The following KCNQ1 variants were observed in gnomAD, a reference collection of about 807,000 sequenced individuals.
The protein encoded by KCNQ1 is potassium voltage-gated channel subfamily KQT member 1.
Under a neutral mutation model 72.4 loss-of-function variants are expected in KCNQ1, and 49 were observed. The observed-to-expected ratio is 0.68, with a 90% CI of 0.54 to 0.86. The LOEUF (loss-of-function observed/expected upper bound fraction) is 0.86. Ranked by LOEUF, KCNQ1 falls within the 40% of genes least tolerant of loss-of-function variation. The pLI is 0.00. For missense variants in KCNQ1, 790 were observed against 945.1 expected (o/e 0.84, Z 2.15); for synonymous variants, 450 against 412.6 (o/e 1.09, Z -1.10).
In KCNQ1 at chr11:2,570,696, C is replaced by A. The variant is rs2133727239; in HGVS notation, c.546C>A (p.Ser182Arg). The A allele has an allele frequency of 6.2e-7, 1 of 1,612,722 alleles. No homozygotes were observed. The highest frequency in any genetic ancestry group is 2.2e-5 in the East Asian group (1 of 44,882). Residue 182 changes from serine (S) to arginine (R), a missense_variant, in exon 3 of 16, where the codon AGC becomes AGA. By Grantham distance (110) the Ser-to-Arg change is moderately radical (BLOSUM62 -1). Coordinates refer to ENST00000155840, the MANE Select transcript of KCNQ1 (RefSeq NM_000218.3). Reference sequence around the variant, plus strand: ...GCCTCTGGTCCGCCGGCTGCCGCAGCAAGTACGTGGGCCTCTGGGGGCGGC... The same window carrying A: ...GCCTCTGGTCCGCCGGCTGCCGCAGAAAGTACGTGGGCCTCTGGGGGCGGC... ...VVRLWSAGCR[S>R]KYVGLWGRLR...
chr11:2,518,821 G>A (rs771649579), intron 1 of KCNQ1, among the ~76,000 whole-genome samples: 1 of 152,206 alleles, frequency 6.6e-6, no homozygotes, highest in Non-Finnish European at 1.5e-5. Flanking sequence ...CGCGGAACAA[G>A]CCACAGGTAA....
At chr11:2,700,121 C>T (rs1430541071) in intron 11 of KCNQ1, 2 of 397,228 alleles carry the variant, frequency 5.0e-6, no homozygotes, top group Non-Finnish European at 8.9e-6. Context: ...TGGCTGGGTG[C>T]GGAAAGTGAT....
chr11:2,569,186 C>G (rs1002960625), intron 2 of KCNQ1, among the ~76,000 whole-genome samples: 6 of 152,192 alleles, frequency 3.9e-5, no homozygotes, highest in African/African-American at 1.4e-4. Flanking sequence ...ACCTGGCCCA[C>G]ACCCTTTCTT....
intron 10 of KCNQ1, chr11:2,635,616 G>C (rs1849451737): frequency 6.6e-6 from 1 of 152,198 alleles, no homozygotes; most frequent in Non-Finnish European, 1.5e-5. Context: ...CAGGTAGCGT[G>C]ATGCCTCCAG....
intron 11 of KCNQ1, chr11:2,686,371 C>T (rs955008422): frequency 1.3e-5 from 5 of 398,586 alleles, no homozygotes; most frequent in Admixed American, 8.8e-5. Flanking sequence ...TTGGGCTTAT[C>T]AGCAGAGCCA....
Position 2,826,442 on chromosome 11 carries a change from G to A in KCNQ1, c.1795-21325G>A, listed in dbSNP as rs1021598975. ...CTTGGCAGCGCTGATGGAAACCGCC[G>A]TGCGGTTCCGCGCAGACAGTCACGG... On this transcript the variant is annotated intron_variant, in intron 15 of 15. Coordinates refer to ENST00000155840, the MANE Select transcript of KCNQ1 (RefSeq NM_000218.3). This position sits in a 1 kb window ranked among gnomAD's most constrained non-coding sequence, Gnocchi z 4.2. 2.6e-5 allele frequency among the ~76,000 whole-genome samples: 4 copies of A among 152,250 alleles called. No homozygotes were observed. Among genetic ancestry groups the A allele is most frequent in the South Asian group, 4.1e-4 (2 of 4,832 alleles).
At position 2,573,128 on chromosome 11, in the gene KCNQ1, C is replaced by T. The variant is rs1848367287; in HGVS notation, c.921+142C>T. 5.7e-6 allele frequency: 6 copies of T among 1,058,194 alleles called. No individual in the cohort carries two copies. The South Asian group carries it at 6.5e-5, about 12-fold the overall frequency. The allele number at this position is 1,058,194 out of a possible 1,614,324, so 65.6% of individuals were successfully genotyped here. On this transcript the variant is annotated intron_variant, in intron 6 of 15. Coordinates refer to ENST00000155840, the MANE Select transcript of KCNQ1 (RefSeq NM_000218.3). ...CGCTCACAGGCCTCTGTCCACAAAC[C>T]TGTGCTTGGAGCCGCTGGCACAGGT...
rs1296802542 is a variant in KCNQ1, at chr11:2,566,741, G to A, written c.478-3887G>A. On this transcript the variant is annotated intron_variant, in intron 2 of 15. Coordinates refer to ENST00000155840, the MANE Select transcript of KCNQ1 (RefSeq NM_000218.3). This position sits in a 1 kb window ranked among gnomAD's most constrained non-coding sequence, Gnocchi z 6.7. ...GGGCCGCACTCCATCAGCATCCCGG[G>A]CCATTGCATCCTTGACCCCGGGGGG... Among the ~76,000 whole-genome samples the A allele has an allele frequency of 6.6e-6, 1 of 152,150 alleles. No homozygotes were observed. Among genetic ancestry groups the A allele is most frequent in the African/African-American group, 2.4e-5 (1 of 41,426 alleles).
chr11:2,659,698 T>G lies in KCNQ1; in HGVS notation c.1394-2263T>G, dbSNP rs1849915620. The stretch of plus-strand genomic sequence containing the variant: ...ACTATTTCCTAAAGTCACTGTGCCA[T>G]TTTGCATTCCCACCAGTAACATATG... On this transcript the variant is annotated intron_variant, in intron 10 of 15. Coordinates refer to ENST00000155840, the MANE Select transcript of KCNQ1 (RefSeq NM_000218.3). The surrounding 1 kb of genome is among the most constrained non-coding windows in gnomAD (Gnocchi z 4.3). The G allele has an allele frequency of 2.5e-6, 1 of 398,408 alleles. No individual in the cohort carries two copies. The highest frequency in any genetic ancestry group is 2.1e-5 in the African/African-American group (1 of 48,630). The allele number at this position is 398,408 out of a possible 1,614,324, so 24.7% of individuals were successfully genotyped here.
At chr11:2,760,564 C>T (rs567587904) in intron 11 of KCNQ1, among the ~76,000 whole-genome samples, 41 of 152,276 alleles carry the variant, frequency 2.7e-4, no homozygotes, top group African/African-American at 9.4e-4. Flanking sequence ...GGAGAGGGTC[C>T]ATCCGCCCTT....
chr11:2,748,543 G>T lies in KCNQ1; in HGVS notation c.1515-20301G>T, dbSNP rs897914822. 5.9e-5 allele frequency among the ~76,000 whole-genome samples: 9 copies of T among 152,216 alleles called. No individual in the cohort carries two copies. The highest frequency in any genetic ancestry group is 1.9e-4 in the East Asian group (1 of 5,190). On this transcript the variant is annotated intron_variant, in intron 11 of 15. Coordinates refer to ENST00000155840, the MANE Select transcript of KCNQ1 (RefSeq NM_000218.3). The surrounding 1 kb of genome is among the most constrained non-coding windows in gnomAD (Gnocchi z 6.2). ...CTGGGCGTCCACGTGGAGGTGTGGG[G>T]CCCGGGTGGGACAAGCCTGGCAACC...
intron 11 of KCNQ1, chr11:2,688,287 A>T (rs1197965535): frequency 1.3e-5 from 5 of 398,646 alleles, no homozygotes; most frequent in African/African-American, 2.1e-5. Flanking sequence ...TTAGACAAGG[A>T]AAATGAAGAC....
chr11:2,489,043 A>C (rs1026997529), intron 1 of KCNQ1, among the ~76,000 whole-genome samples: 6 of 152,152 alleles, frequency 3.9e-5, no homozygotes, highest in African/African-American at 1.4e-4. Context: ...AGGAACACCA[A>C]ATTTGAGAAC....
chr11:2,705,349 T>C (rs1270563448), intron 11 of KCNQ1, among the ~76,000 whole-genome samples: 2 of 152,092 alleles, frequency 1.3e-5, no homozygotes, highest in Non-Finnish European at 2.9e-5. Flanking sequence ...TGTGTGTATA[T>C]GTTTGGGCAT....
rs1590108516 is a variant in KCNQ1, at chr11:2,818,173, C to T, written c.1795-29594C>T. ...GAGTGGGAGCGCGTGCCCCAACTTC[C>T]GAGCCCTAGGAAAGGGTCTTGTCTG... On this transcript the variant is annotated intron_variant, in intron 15 of 15. Transcript: ENST00000155840. The surrounding 1 kb of genome is among the most constrained non-coding windows in gnomAD (Gnocchi z 7.2). 6.6e-6 allele frequency among the ~76,000 whole-genome samples: 1 copy of T among 152,178 alleles called. No individual in the cohort carries two copies. Among genetic ancestry groups the T allele is most frequent in the Middle Eastern group, 3.2e-3 (1 of 316 alleles).
At chr11:2,554,229 C>G (rs1286441582) in intron 2 of KCNQ1, among the ~76,000 whole-genome samples, 1 of 152,200 alleles carries the variant, frequency 6.6e-6, no homozygotes, top group African/African-American at 2.4e-5. Flanking sequence ...GCAATTATTT[C>G]TCCCTTAAAC....
At chr11:2,649,120 T>A (rs143740500) in intron 10 of KCNQ1, 94 of 398,188 alleles carry the variant, frequency 2.4e-4, no homozygotes, top group African/African-American at 1.8e-3. Flanking sequence ...TGAAGTCAGT[T>A]TCTTATAGGC....
Position 2,764,272 on chromosome 11 carries a change from C to T in KCNQ1, c.1515-4572C>T, listed in dbSNP as rs935910364. Among the ~76,000 whole-genome samples, 1 of 151,742 alleles carries T rather than the reference C, an allele frequency of 6.6e-6. No homozygotes were observed. The highest frequency in any genetic ancestry group is 2.4e-5 in the African/African-American group (1 of 41,276). ...TGTGTTTTTAATTATGAACAGGTCT[C>T]GCTTTATCAAATGCTTTCTTACAAT... On this transcript the variant is annotated intron_variant, in intron 11 of 15. Transcript: ENST00000155840. This position sits in a 1 kb window ranked among gnomAD's most constrained non-coding sequence, Gnocchi z 4.8.
intron 1 of KCNQ1, among the ~76,000 whole-genome samples, chr11:2,522,200 T>TC (rs1847396394): frequency 1.3e-5 from 2 of 151,650 alleles, no homozygotes; most frequent in African/African-American, 4.8e-5. Context: ...CTCATGCAGC[T>TC]CCCCGCCCCC....
Sources: gnomAD v4.1 joint callset for allele counts (sites outside exome capture counted in the v4.1 genomes callset) on GRCh38, gnomAD v4.1.1 for gene constraint, Gnocchi (gnomAD v3.1) non-coding constraint, MANE v1.5 for transcripts, NCBI Gene and HGNC (gene_info 2026-07-23, HGNC 2026-07-21) for gene names.